SH3BP4: variants seen among roughly 807,000 people sequenced by gnomAD.
The protein encoded by SH3BP4 is SH3 domain-binding protein 4.
In SH3BP4, 33 loss-of-function variants were observed where a neutral mutation model predicts 65.5. The ratio of observed to expected loss-of-function variants is 0.50; its 90% CI spans 0.38 to 0.67. The LOEUF (loss-of-function observed/expected upper bound fraction) is 0.67. Among genes scored for constraint, SH3BP4 ranks in the 30% least tolerant of loss-of-function variants. SH3BP4 has a pLI of 0.00. For synonymous variants in SH3BP4, 552 were observed against 545.5 expected, an observed-to-expected ratio of 1.01 and a Z score of -0.17; for missense variants, 1,134 against 1,261.4, an observed-to-expected ratio of 0.90 and a Z score of 1.53.
intron 1 of SH3BP4, among the ~76,000 whole-genome samples, chr2:234,987,620 A>C (rs1693607450): frequency 6.6e-6 from 1 of 152,114 alleles, no homozygotes; most frequent in African/African-American, 2.4e-5. Flanking sequence ...GAGAGTTCCG[A>C]GGTCAGAATC....
At chr2:234,962,548 G>A (rs1345428965) in intron 1 of SH3BP4, among the ~76,000 whole-genome samples, 1 of 152,084 alleles carries the variant, frequency 6.6e-6, no homozygotes, top group East Asian at 1.9e-4. Context: ...ACTAGAAAAT[G>A]TAAAAAGAAA....
In SH3BP4 at chr2:235,041,608, G is replaced by A. The variant is rs761831152; in HGVS notation, c.839G>A (p.Arg280Gln). 1.1e-5 allele frequency: 17 copies of A among 1,613,940 alleles called. No homozygotes were observed. The highest frequency in any genetic ancestry group is 1.7e-5 in the Admixed American group (1 of 60,012). ...KSPAPEQFQS[R>Q]EDFRTAWLNH... ...CCTGCCCCCGAGCAATTTCAGAGCC[G>A]GGAGGATTTTCGAACTGCCTGGCTA... Residue 280 changes from arginine (R) to glutamine (Q), a missense_variant, in exon 4 of 6, where the codon CGG becomes CAG. Physicochemically the swap from Arg to Gln is conservative, Grantham distance 43. Transcript: ENST00000392011. This position sits in a 1 kb window ranked among gnomAD's most constrained non-coding sequence, Gnocchi z 6.0.
chr2:234,961,967 A>G (rs1162945351), intron 1 of SH3BP4, among the ~76,000 whole-genome samples: 2 of 152,068 alleles, frequency 1.3e-5, no homozygotes, highest in African/African-American at 4.8e-5. Flanking sequence ...GGCAGGTAGC[A>G]TAGAAGGACC....
chr2:235,037,235 T>A (rs6739712), intron 3 of SH3BP4, among the ~76,000 whole-genome samples: 91,818 of 152,036 alleles, frequency 0.6, 30,523 homozygotes, highest in East Asian at 0.91. Flanking sequence ...ATAGAATTCG[T>A]TAGGGATTCT....
intron 2 of SH3BP4, among the ~76,000 whole-genome samples, chr2:235,020,707 G>A (rs1265246902): frequency 5.9e-5 from 9 of 152,202 alleles, no homozygotes; most frequent in African/African-American, 2.2e-4. Flanking sequence ...GTAGTTGTTG[G>A]TGGTAGTGCT....
chr2:235,005,060 T>C (rs1425690986), intron 2 of SH3BP4, among the ~76,000 whole-genome samples: 1 of 152,228 alleles, frequency 6.6e-6, no homozygotes. Context: ...GCCATCCGCC[T>C]GCAGATCCCC....
Position 235,041,568 on chromosome 2 carries a change from A to G in SH3BP4, c.799A>G (p.Thr267Ala), listed in dbSNP as rs1379901815. The G allele has an allele frequency of 1.9e-6, 3 of 1,613,962 alleles. No individual in the cohort carries two copies. Among genetic ancestry groups the G allele is most frequent in the Admixed American group, 1.7e-5 (1 of 60,032 alleles). Residue 267 changes from threonine to alanine, a missense_variant, in exon 4 of 6, where the codon ACC becomes GCC. Coordinates refer to ENST00000392011, the MANE Select transcript of SH3BP4 (RefSeq NM_014521.3). The surrounding 1 kb of genome is among the most constrained non-coding windows in gnomAD (Gnocchi z 6.0). ...TGCTCCCACATCGTCGAGTTTCTTC[A>G]CCGGCTTGAAATCACCTGCCCCCGA... ...SDAPTSSSFFTGLKSPAPEQF... is the reference protein window; with the variant it reads ...SDAPTSSSFFAGLKSPAPEQF...
intron 4 of SH3BP4, among the ~76,000 whole-genome samples, chr2:235,043,941 CTG>C (rs1397588884): frequency 1.3e-5 from 2 of 152,254 alleles, no homozygotes; most frequent in African/African-American, 4.8e-5. Context: ...CCCACCGAAT[CTG>C]TGAGCTCCAA....
chr2:235,001,147 C>T (rs1269350938), intron 2 of SH3BP4, among the ~76,000 whole-genome samples: 2 of 152,214 alleles, frequency 1.3e-5, no homozygotes, highest in African/African-American at 4.8e-5. Context: ...GCTGCTCTTC[C>T]CGGCCTTGGT....
chr2:234,983,369 A>T (rs931846801), intron 1 of SH3BP4: 5 of 152,270 alleles, frequency 3.3e-5, no homozygotes, highest in Admixed American at 6.5e-5. Context: ...GTTCCTGGTG[A>T]ACAGGACAAA....
At position 235,046,197 on chromosome 2, in the gene SH3BP4, C is replaced by T. The variant is rs762360249; in HGVS notation, c.2478+2950C>T. 2.0e-5 allele frequency among the ~76,000 whole-genome samples: 3 copies of T among 152,154 alleles called. No individual in the cohort carries two copies. The highest frequency in any genetic ancestry group is 6.5e-5 in the Admixed American group (1 of 15,276). ...CTCCCTCAGCTGCCAGCTCAAATGCCGTCTCTCCAGGACGTCCTTCTCTGC... is the reference window on the plus strand; with the variant it reads ...CTCCCTCAGCTGCCAGCTCAAATGCTGTCTCTCCAGGACGTCCTTCTCTGC... On this transcript the variant is annotated intron_variant, in intron 4 of 5. Coordinates refer to ENST00000392011, the MANE Select transcript of SH3BP4 (RefSeq NM_014521.3). This position sits in a 1 kb window ranked among gnomAD's most constrained non-coding sequence, Gnocchi z 4.2.
At chr2:235,011,118 CCTTCCTCCCTCTCCT>C (rs1694485738) in intron 2 of SH3BP4, among the ~76,000 whole-genome samples, 1 of 91,626 alleles carries the variant, frequency 1.1e-5, no homozygotes, top group African/African-American at 5.4e-5. Flanking sequence ...CTAGGAGAAC[CCTTCCTCCCTCTCCT>C]AGGAGAACCC....
chr2:235,021,673 T>TA (rs1396558669), intron 2 of SH3BP4, among the ~76,000 whole-genome samples: 3 of 145,154 alleles, frequency 2.1e-5, no homozygotes, highest in Admixed American at 6.8e-5. Context: ...AAAAAAAAGG[T>TA]AAAAATAACT....
intron 1 of SH3BP4, chr2:234,953,039 C>T (rs1376211788): frequency 2.4e-4 from 36 of 152,286 alleles, no homozygotes; most frequent in Admixed American, 2.3e-3. Context: ...CCGCCGGACT[C>T]AGCGAGCAGA....
chr2:235,018,885 G>A (rs1694766295), intron 2 of SH3BP4, among the ~76,000 whole-genome samples: 2 of 152,214 alleles, frequency 1.3e-5, no homozygotes, highest in Admixed American at 1.3e-4. Flanking sequence ...GTGCCCTCAA[G>A]AAAACAGCAA....
rs534159367 is a variant in SH3BP4, at chr2:234,981,977, C to T, written c.-206-13326C>T. Among the ~76,000 whole-genome samples the T allele has an allele frequency of 2.8e-4, 42 of 152,280 alleles. No homozygotes were observed. In the East Asian group the frequency reaches 7.0e-3, roughly 25 times the overall value. ...CTTCCTGGGTGGCCACCTCTGATGT[C>T]GCCTCCTGAGGCTGGGCTTTTTGGG... On this transcript the variant is annotated intron_variant, in intron 1 of 5. Coordinates refer to ENST00000392011, the MANE Select transcript of SH3BP4 (RefSeq NM_014521.3).
intron 3 of SH3BP4, among the ~76,000 whole-genome samples, chr2:235,038,322 T>TATATATA (rs1695484170): frequency 3.9e-4 from 3 of 7,628 alleles, no homozygotes; most frequent in African/African-American, 7.4e-4. Context: ...TTATATATTA[T>TATATATA]ATATATATTA....
At chr2:235,015,216 G>A (rs571731806) in intron 2 of SH3BP4, among the ~76,000 whole-genome samples, 4 of 152,344 alleles carry the variant, frequency 2.6e-5, no homozygotes, top group Middle Eastern at 6.8e-3. Context: ...TTGCATTCCA[G>A]ACCACAGTGG....
intron 1 of SH3BP4, chr2:234,979,840 C>T (rs928181336): frequency 2.6e-5 from 2 of 77,248 alleles, no homozygotes; most frequent in Admixed American, 1.3e-4. Context: ...CCAGATGACC[C>T]TGGAGGACCC....
Sources: allele counts gnomAD v4.1 joint callset (sites outside exome capture counted in the v4.1 genomes callset), GRCh38; gene constraint gnomAD v4.1.1; non-coding constraint Gnocchi (gnomAD v3.1); transcripts MANE v1.5; gene names NCBI Gene and HGNC (gene_info 2026-07-23, HGNC 2026-07-21).